Variants in PRELID2 observed in about 807,000 individuals in gnomAD.
PRELID2 encodes PRELI domain-containing protein 2.
PRELID2 carries 25 observed loss-of-function variants against 28.4 expected under a neutral mutation model. The observed-to-expected ratio is 0.88, with a 90% confidence interval of 0.64 to 1.23. PRELID2 has a LOEUF of 1.23. Among genes scored for constraint, PRELID2 ranks in the 50% most tolerant of loss-of-function variants. PRELID2 has a pLI of 0.00. For synonymous variants in PRELID2, 76 were observed against 71.6 expected (o/e 1.06, Z -0.31); for missense variants, 201 against 214.4 (o/e 0.94, Z 0.39).
Position 145,617,424 on chromosome 5 carries a change from T to C in PRELID2, n.71-144109A>G, listed in dbSNP as rs574568835. On this transcript the variant is annotated intron_variant and non_coding_transcript_variant, in intron 1 of 2. Transcript: ENST00000510259. ...AATTTGGGGAACTAATAAAGGTCCA[T>C]GAAATCTTCACAATTTATATTCTTC... Among the ~76,000 whole-genome samples, 30 of 152,334 alleles carry C rather than the reference T, an allele frequency of 2.0e-4. No homozygotes were observed. The South Asian group carries it at 5.2e-3, about 26-fold the overall frequency.
Position 145,821,238 on chromosome 5 carries a change from T to C in PRELID2, c.134-1220A>G, listed in dbSNP as rs899462426. 2.0e-5 allele frequency among the ~76,000 whole-genome samples: 3 copies of C among 149,842 alleles called. No homozygotes were observed. The East Asian group carries it at 5.9e-4, about 30-fold the overall frequency. ...CCTCTTCTGTGTGTGTGTATGTGTGTGTAAGCCCTCTTCTGTGTGTATGTG... is the reference window on the plus strand; with the variant it reads ...CCTCTTCTGTGTGTGTGTATGTGTGCGTAAGCCCTCTTCTGTGTGTATGTG... On this transcript the variant is annotated intron_variant, in intron 2 of 6. Transcript: ENST00000683046.
At chr5:145,660,376 C>T (rs1228044845) in intron 1 of PRELID2, among the ~76,000 whole-genome samples, 1 of 152,210 alleles carries the variant, frequency 6.6e-6, no homozygotes, top group African/African-American at 2.4e-5. Flanking sequence ...CAGGACCACA[C>T]TACTGTGTCT....
the PRELID2 span, among the ~76,000 whole-genome samples, chr5:145,405,704 T>G: frequency 1.5e-5 from 2 of 129,476 alleles, no homozygotes; most frequent in East Asian, 2.3e-4. Context: ...ACATAGTTGT[T>G]TTTTTTTTTT....
chr5:145,338,506 A>T, the PRELID2 span: 1 of 152,222 alleles, frequency 6.6e-6, no homozygotes, highest in African/African-American at 2.4e-5. Flanking sequence ...CATTTCTGAC[A>T]AATTGCTGTT....
rs1024349275 is a variant in PRELID2, at chr5:145,696,156, C to T, written n.70+68775G>A. Among the ~76,000 whole-genome samples, 20 of 60,006 alleles carry T rather than the reference C, an allele frequency of 3.3e-4. No homozygotes were observed. In the South Asian group the frequency reaches 5.5e-3, roughly 17 times the overall value. The allele number at this position is 60,006 out of a possible 152,430, so 39.4% of individuals were successfully genotyped here. A position where few individuals can be genotyped will look rare whatever the true frequency, so the allele number is the denominator to read the frequency against. On this transcript the variant is annotated intron_variant and non_coding_transcript_variant, in intron 1 of 2. Transcript: ENST00000510259. ...GCACATAGTGAGCAATAAATAATAG[C>T]TTTTTTTTTTTTTTTTTTTTTTTTT... is the stretch of plus-strand genomic sequence containing the variant.
At chr5:145,685,255 G>A (rs1413555315) in intron 1 of PRELID2, among the ~76,000 whole-genome samples, 1 of 152,068 alleles carries the variant, frequency 6.6e-6, no homozygotes, top group Non-Finnish European at 1.5e-5. Flanking sequence ...GGCCTCAAAG[G>A]CTTCCAAAGC....
intron 1 of PRELID2, among the ~76,000 whole-genome samples, chr5:145,553,145 T>C (rs1054944114): frequency 1.3e-5 from 2 of 150,752 alleles, no homozygotes; most frequent in Non-Finnish European, 2.9e-5. Flanking sequence ...AAAAGTGATA[T>C]AATATTATAA....
intron 1 of PRELID2, among the ~76,000 whole-genome samples, chr5:145,578,924 A>G (rs1328383196): frequency 6.6e-6 from 1 of 152,108 alleles, no homozygotes; most frequent in East Asian, 1.9e-4. Flanking sequence ...TGGTAGTGGT[A>G]GAGCTGGGAC....
the PRELID2 span, among the ~76,000 whole-genome samples, chr5:145,269,435 T>C: frequency 0.025 from 3,769 of 152,030 alleles, 157 homozygotes; most frequent in African/African-American, 0.086. Flanking sequence ...CAACTGGCTA[T>C]CCATATAGGA....
chr5:145,271,003 T>G, the PRELID2 span, among the ~76,000 whole-genome samples: 11 of 152,054 alleles, frequency 7.2e-5, no homozygotes, highest in Non-Finnish European at 1.2e-4. Flanking sequence ...CTTCTTCACA[T>G]GGCAGCAGGA....
At chr5:145,730,452 G>C (rs1183538793) in intron 1 of PRELID2, among the ~76,000 whole-genome samples, 2 of 152,134 alleles carry the variant, frequency 1.3e-5, no homozygotes, top group Non-Finnish European at 2.9e-5. Context: ...ATTCATGCAT[G>C]GCATGAAGAT....
At chr5:145,229,360 C>A in the PRELID2 span, 6 of 740,660 alleles carry the variant, frequency 8.1e-6, no homozygotes, top group Non-Finnish European at 1.5e-5. Context: ...TGTGGAGCAT[C>A]GACAAGAACC....
chr5:145,578,013 C>A (rs973227972), intron 1 of PRELID2, among the ~76,000 whole-genome samples: 6 of 152,022 alleles, frequency 3.9e-5, no homozygotes, highest in Admixed American at 3.3e-4. Flanking sequence ...TCCTCTCAAT[C>A]CATCCAGAAA....
At chr5:145,707,380 T>C (rs1755576030) in intron 1 of PRELID2, among the ~76,000 whole-genome samples, 1 of 152,108 alleles carries the variant, frequency 6.6e-6, no homozygotes, top group East Asian at 1.9e-4. Context: ...GGAATCTGAG[T>C]GCGCCAGTAA....
chr5:145,804,544 T>G (rs1753365309), intron 4 of PRELID2, among the ~76,000 whole-genome samples: 1 of 152,086 alleles, frequency 6.6e-6, no homozygotes, highest in African/African-American at 2.4e-5. Context: ...ATAATAACAG[T>G]TAACATATTT....
chr5:145,587,978 T>A (rs1317822369), intron 1 of PRELID2, among the ~76,000 whole-genome samples: 1 of 152,144 alleles, frequency 6.6e-6, no homozygotes, highest in Non-Finnish European at 1.5e-5. Context: ...AGTAGAAATT[T>A]CTTAATTGAT....
the PRELID2 span, among the ~76,000 whole-genome samples, chr5:145,402,567 C>T: frequency 6.6e-6 from 1 of 152,140 alleles, no homozygotes; most frequent in Non-Finnish European, 1.5e-5. Context: ...TTTGGAATCC[C>T]TTTTCCAATT....
intron 1 of PRELID2, among the ~76,000 whole-genome samples, chr5:145,673,350 A>C (rs925044864): frequency 6.6e-6 from 1 of 152,128 alleles, no homozygotes; most frequent in Non-Finnish European, 1.5e-5. Flanking sequence ...TTGCTGGCCA[A>C]CTTCATAAGT....
chr5:145,719,197 G>C (rs1362838690), intron 1 of PRELID2, among the ~76,000 whole-genome samples: 1 of 151,902 alleles, frequency 6.6e-6, no homozygotes, highest in African/African-American at 2.4e-5. Flanking sequence ...GGAAGTCCAG[G>C]AAAACTGTGG....
Sources: allele counts gnomAD v4.1 joint callset (sites outside exome capture counted in the v4.1 genomes callset), GRCh38; gene constraint gnomAD v4.1.1; transcripts MANE v1.5; gene names NCBI Gene and HGNC (gene_info 2026-07-23, HGNC 2026-07-21).